ARL15: variants seen among roughly 807,000 people sequenced by gnomAD.
The protein encoded by ARL15 is ARF like GTPase 15.
In ARL15, 19 loss-of-function variants were observed where a neutral mutation model predicts 25.2. The observed-to-expected ratio is 0.75, with a 90% CI of 0.53 to 1.10. ARL15 has a LOEUF of 1.10. Among genes scored for constraint, ARL15 ranks in the 50% least tolerant of loss-of-function variants. The pLI, the probability that ARL15 is intolerant of heterozygous loss-of-function variation, is 0.00. For missense variants in ARL15, 220 were observed against 246.0 expected (o/e 0.89, Z 0.71); for synonymous variants, 94 against 86.8 (o/e 1.08, Z -0.46).
rs140799930 is a variant in ARL15, at chr5:54,134,146, C to A, written c.253+20434G>T. On this transcript the variant is annotated intron_variant, in intron 3 of 4. Coordinates refer to ENST00000504924, the MANE Select transcript of ARL15 (RefSeq NM_019087.3). ...TGATTGGTGATAGGCAAATATTGCCCCAGATTTAAAAACTGGGATCATTGT... is the reference window on the plus strand; with the variant it reads ...TGATTGGTGATAGGCAAATATTGCCACAGATTTAAAAACTGGGATCATTGT... Among the ~76,000 whole-genome samples the A allele has an allele frequency of 1.5e-3, 230 of 152,142 alleles. 2 individuals carry two copies. In the East Asian group the frequency reaches 0.026, roughly 17 times the overall value.
chr5:53,967,208 T>C (rs923535241), intron 4 of ARL15, among the ~76,000 whole-genome samples: 13 of 152,190 alleles, frequency 8.5e-5, no homozygotes, highest in Non-Finnish European at 1.3e-4. Context: ...AAAATTTTTG[T>C]TTATTTGTAT....
chr5:53,915,676 T>C (rs1745617571), intron 4 of ARL15, among the ~76,000 whole-genome samples: 1 of 152,238 alleles, frequency 6.6e-6, no homozygotes, highest in Admixed American at 6.5e-5. Flanking sequence ...TTCATTTATT[T>C]TAGTTGTAAA....
intron 4 of ARL15, among the ~76,000 whole-genome samples, chr5:54,000,063 G>A (rs1443799075): frequency 6.6e-6 from 1 of 152,140 alleles, no homozygotes; most frequent in East Asian, 1.9e-4. Context: ...GAGTCCATGA[G>A]GGTCTTCCTT....
intron 1 of ARL15, among the ~76,000 whole-genome samples, chr5:54,248,960 T>C (rs1360121768): frequency 6.6e-6 from 1 of 152,072 alleles, no homozygotes; most frequent in African/African-American, 2.4e-5. Flanking sequence ...CCCAGCACTT[T>C]GGGAAGCTGA....
At chr5:54,088,242 A>G (rs1020541973) in intron 4 of ARL15, among the ~76,000 whole-genome samples, 1 of 152,218 alleles carries the variant, frequency 6.6e-6, no homozygotes, top group African/African-American at 2.4e-5. Flanking sequence ...CAGGACAAAG[A>G]TATGTATAAA....
chr5:54,105,709 A>C (rs1030060591), intron 4 of ARL15, among the ~76,000 whole-genome samples: 11 of 152,168 alleles, frequency 7.2e-5, no homozygotes, highest in Middle Eastern at 3.4e-3. Context: ...CAGCCTCCCA[A>C]GTAGCTGGGA....
At chr5:54,037,227 A>G (rs1291235186) in intron 4 of ARL15, among the ~76,000 whole-genome samples, 28 of 152,072 alleles carry the variant, frequency 1.8e-4, no homozygotes, top group Non-Finnish European at 1.5e-5. Flanking sequence ...TCCAAGTATT[A>G]AATGTATATT....
chr5:54,087,193 T>C (rs11743937), intron 4 of ARL15, among the ~76,000 whole-genome samples: 10,848 of 152,138 alleles, frequency 0.071, 526 homozygotes, highest in Middle Eastern at 0.11. Context: ...CCAGGCGTGG[T>C]GGCAGGTGCC....
chr5:54,039,297 G>C (rs1750260282), intron 4 of ARL15, among the ~76,000 whole-genome samples: 1 of 152,050 alleles, frequency 6.6e-6, no homozygotes. Flanking sequence ...AATGAAGACA[G>C]AAAAGAGGAA....
At chr5:53,914,257 C>G (rs1425201268) in intron 4 of ARL15, among the ~76,000 whole-genome samples, 1 of 152,012 alleles carries the variant, frequency 6.6e-6, no homozygotes, top group Non-Finnish European at 1.5e-5. Flanking sequence ...AGCAGTCTAT[C>G]CTCCAAAGAT....
chr5:54,040,277 C>T (rs896022171), intron 4 of ARL15, among the ~76,000 whole-genome samples: 1 of 152,086 alleles, frequency 6.6e-6, no homozygotes, highest in Non-Finnish European at 1.5e-5. Context: ...TGCACTTTGT[C>T]CCTCTTTTAA....
chr5:54,280,534 C>T (rs1285238171), intron 1 of ARL15, among the ~76,000 whole-genome samples: 2 of 152,168 alleles, frequency 1.3e-5, no homozygotes, highest in East Asian at 1.9e-4. Flanking sequence ...TTGCCAAGTA[C>T]CAGACGTTGT....
chr5:54,296,933 A>C (rs1053052079), intron 1 of ARL15, among the ~76,000 whole-genome samples: 2 of 152,232 alleles, frequency 1.3e-5, no homozygotes, highest in African/African-American at 4.8e-5. Flanking sequence ...TGGAGAGGGC[A>C]GGTACTAGTG....
In ARL15 at chr5:53,886,305, A is replaced by ACTC; in HGVS notation, c.*255_*256insGAG. On this transcript the variant is annotated 3_prime_UTR_variant, in exon 5 of 5. Coordinates refer to ENST00000504924, the MANE Select transcript of ARL15 (RefSeq NM_019087.3). ...AAGAGATGCTTAGAACAACAGAAGG[A>ACTC]AGAGACATGCGGGGAAGATAATTAG... 2.7e-6 allele frequency: 1 copy of ACTC among 375,266 alleles called. No homozygotes were observed. The highest frequency in any genetic ancestry group is 4.8e-6 in the Non-Finnish European group (1 of 207,780). 23.2% of individuals were successfully genotyped at this position (375,266 alleles called of 1,614,324 possible).
chr5:53,954,857 C>T (rs965091452), intron 4 of ARL15, among the ~76,000 whole-genome samples: 3 of 151,912 alleles, frequency 2.0e-5, no homozygotes, highest in Non-Finnish European at 4.4e-5. Flanking sequence ...GAAAGAGCAT[C>T]GATCTAATTT....
chr5:54,014,967 C>T (rs965852019), intron 4 of ARL15, among the ~76,000 whole-genome samples: 3 of 152,032 alleles, frequency 2.0e-5, no homozygotes, highest in African/African-American at 7.3e-5. Context: ...GGAAGGTTTT[C>T]CCTTTGCCCC....
At chr5:53,998,700 T>C (rs1748763860) in intron 4 of ARL15, among the ~76,000 whole-genome samples, 1 of 152,214 alleles carries the variant, frequency 6.6e-6, no homozygotes, top group Non-Finnish European at 1.5e-5. Flanking sequence ...TCAATATTAA[T>C]TCAGTGAATC....
In ARL15 at chr5:54,238,437, A is replaced by T. The variant is rs1356771829; in HGVS notation, c.49-66509T>A. Among the ~76,000 whole-genome samples the T allele has an allele frequency of 2.0e-5, 3 of 152,308 alleles. 1 individual carries two copies. Among genetic ancestry groups the T allele is most frequent in the Middle Eastern group, 6.8e-3 (2 of 294 alleles). Reference sequence around the variant, plus strand: ...ACCCTGAGGAAGCCGACGGTGAGTGAAACCTTCCCGACTTCTAAAACCAGC... The same window carrying T: ...ACCCTGAGGAAGCCGACGGTGAGTGTAACCTTCCCGACTTCTAAAACCAGC... On this transcript the variant is annotated intron_variant, in intron 1 of 4. Transcript: ENST00000504924.
intron 4 of ARL15, among the ~76,000 whole-genome samples, chr5:53,910,112 A>G (rs748741627): frequency 2.0e-5 from 3 of 152,204 alleles, no homozygotes; most frequent in East Asian, 3.8e-4. Context: ...AACTTTCACA[A>G]TGAAAATCCA....
Sources: gnomAD v4.1 joint callset for allele counts (sites outside exome capture counted in the v4.1 genomes callset) on GRCh38, gnomAD v4.1.1 for gene constraint, MANE v1.5 for transcripts, NCBI Gene and HGNC (gene_info 2026-07-23, HGNC 2026-07-21) for gene names.